SNX29: variants seen among roughly 807,000 people sequenced by gnomAD.
SNX29 encodes sorting nexin 29.
SNX29 carries 78 observed loss-of-function variants against 102.1 expected under a neutral mutation model. The ratio of observed to expected loss-of-function variants is 0.76; its 90% CI spans 0.64 to 0.92. The LOEUF is 0.92. Among genes scored for constraint, SNX29 ranks in the 40% least tolerant of loss-of-function variants. The pLI, the probability that SNX29 is intolerant of heterozygous loss-of-function variation, is 0.00. For synonymous variants in SNX29, 580 were observed against 414.5 expected (o/e 1.40, Z -4.85); for missense variants, 1,280 against 1,061.7 (o/e 1.21, Z -2.86).
intron 11 of SNX29, among the ~76,000 whole-genome samples, chr16:12,094,881 G>T (rs1006659489): frequency 1.3e-5 from 2 of 151,644 alleles, no homozygotes; most frequent in African/African-American, 2.4e-5. Flanking sequence ...AAAACCTCTC[G>T]CCTCCTGCAT....
At chr16:12,059,407 G>T (rs1183964199) in intron 8 of SNX29, among the ~76,000 whole-genome samples, 3 of 152,336 alleles carry the variant, frequency 2.0e-5, no homozygotes, top group Admixed American at 2.0e-4. Context: ...TTCTCCCCCA[G>T]GTTGGGCTCC....
intron 19 of SNX29, among the ~76,000 whole-genome samples, chr16:12,488,522 C>G (rs905709618): frequency 1.3e-5 from 2 of 152,164 alleles, no homozygotes; most frequent in African/African-American, 4.8e-5. Flanking sequence ...TTCTTGGGAT[C>G]TGTCACAGTG....
At chr16:12,535,343 C>T (rs1243173328) in intron 20 of SNX29, among the ~76,000 whole-genome samples, 1 of 152,158 alleles carries the variant, frequency 6.6e-6, no homozygotes, top group Non-Finnish European at 1.5e-5. Context: ...TTCGTGTTGG[C>T]CAGGCTGGTC....
intron 15 of SNX29, among the ~76,000 whole-genome samples, chr16:12,317,974 G>A (rs1192353189): frequency 3.9e-5 from 6 of 152,362 alleles, no homozygotes; most frequent in Admixed American, 2.6e-4. Flanking sequence ...TTGGATGGGA[G>A]TGGTAATAAC....
chr16:12,235,964 T>C (rs2077918903), intron 14 of SNX29, among the ~76,000 whole-genome samples: 1 of 152,196 alleles, frequency 6.6e-6, no homozygotes, highest in South Asian at 2.1e-4. Context: ...TACAATTTTC[T>C]GTTTCTGTAG....
intron 19 of SNX29, among the ~76,000 whole-genome samples, chr16:12,496,828 A>G (rs2088852082): frequency 6.6e-6 from 1 of 151,774 alleles, no homozygotes; most frequent in African/African-American, 2.4e-5. Context: ...GGAGCAGGTG[A>G]TTTTTTTTCC....
chr16:12,215,892 A>G (rs865870910), intron 14 of SNX29, among the ~76,000 whole-genome samples: 10 of 152,240 alleles, frequency 6.6e-5, no homozygotes, highest in African/African-American at 1.7e-4. Context: ...TTATAGTGCT[A>G]TTAGCAGAGT....
chr16:11,995,412 G>T (rs1312132972), intron 1 of SNX29, among the ~76,000 whole-genome samples: 3 of 152,062 alleles, frequency 2.0e-5, no homozygotes, highest in African/African-American at 4.8e-5. Context: ...GGCCACAGCT[G>T]CCCCTTCTGA....
intron 13 of SNX29, among the ~76,000 whole-genome samples, chr16:12,130,999 A>G (rs573661761): frequency 2.0e-5 from 3 of 152,180 alleles, no homozygotes; most frequent in East Asian, 1.9e-4. Context: ...GTATGAGTAT[A>G]TATTTTGGAA....
At chr16:12,482,548 C>A (rs2087996844) in intron 19 of SNX29, among the ~76,000 whole-genome samples, 1 of 152,176 alleles carries the variant, frequency 6.6e-6, no homozygotes, top group Admixed American at 6.5e-5. Flanking sequence ...GAACTACTCC[C>A]ACCTCAGCCA....
intron 19 of SNX29, among the ~76,000 whole-genome samples, chr16:12,514,928 GA>G (rs1177634221): frequency 2.3e-4 from 35 of 151,146 alleles, no homozygotes; most frequent in African/African-American, 8.5e-4. Flanking sequence ...GAGAAAGAAA[GA>G]AAGAAAGAAA....
chr16:12,052,272 C>T (rs749435125), intron 8 of SNX29, 50 bp downstream of exon 8: 38 of 1,600,664 alleles, frequency 2.4e-5, no homozygotes, highest in African/African-American at 1.9e-4. Flanking sequence ...GCTGGAGTGC[C>T]GTGGCGTGAT....
chr16:12,029,270 T>C (rs1596636925), intron 4 of SNX29, among the ~76,000 whole-genome samples: 1 of 152,244 alleles, frequency 6.6e-6, no homozygotes, highest in African/African-American at 2.4e-5. Flanking sequence ...ACTAAACAAA[T>C]ACATCTTGGT....
chr16:12,087,548 G>A, intron 11 of SNX29: 1 of 317,890 alleles, frequency 3.1e-6, no homozygotes, highest in Non-Finnish European at 6.2e-6. Context: ...ATTGAGCAGT[G>A]ATCATGACAC....
intron 15 of SNX29, among the ~76,000 whole-genome samples, chr16:12,304,750 C>T (rs1438784886): frequency 6.6e-6 from 1 of 152,166 alleles, no homozygotes; most frequent in African/African-American, 2.4e-5. Flanking sequence ...AAGAATATTA[C>T]TCCATAATTC....
At chr16:12,433,344 C>T (rs1056410153) in intron 18 of SNX29, among the ~76,000 whole-genome samples, 10 of 152,068 alleles carry the variant, frequency 6.6e-5, no homozygotes, top group Non-Finnish European at 1.3e-4. Flanking sequence ...AAAACTGTAA[C>T]GATTGGCCGG....
intron 14 of SNX29, among the ~76,000 whole-genome samples, chr16:12,249,131 G>T (rs1223268205): frequency 6.6e-6 from 1 of 152,170 alleles, no homozygotes; most frequent in Admixed American, 6.5e-5. Flanking sequence ...TTCAGTCAGG[G>T]TGTGATGATT....
chr16:12,359,020 C>A (rs545472720), intron 16 of SNX29, among the ~76,000 whole-genome samples: 1 of 152,260 alleles, frequency 6.6e-6, no homozygotes, highest in East Asian at 1.9e-4. Flanking sequence ...TTAATGGAAC[C>A]CAAGAAGGGG....
Position 12,568,739 on chromosome 16 carries a change from C to T in SNX29, c.*110C>T, listed in dbSNP as rs1002550323. ...GTGACAACCACGTCCACCTGGTGAT[C>T]CTGAGAGCACACGATTCCCAACAGT... On this transcript the variant is annotated 3_prime_UTR_variant, in exon 21 of 21. Coordinates refer to ENST00000566228, the MANE Select transcript of SNX29 (RefSeq NM_032167.5). The T allele has an allele frequency of 8.3e-6, 12 of 1,450,846 alleles. No homozygotes were observed. Among genetic ancestry groups the T allele is most frequent in the East Asian group, 4.8e-5 (2 of 41,312 alleles). 89.9% of individuals were successfully genotyped at this position (1,450,846 alleles called of 1,614,324 possible).
Sources: gnomAD v4.1 joint callset for allele counts (sites outside exome capture counted in the v4.1 genomes callset) on GRCh38, gnomAD v4.1.1 for gene constraint, MANE v1.5 for transcripts, NCBI Gene and HGNC (gene_info 2026-07-23, HGNC 2026-07-21) for gene names.